The following ALCAM variants were observed in gnomAD, a reference collection of about 807,000 sequenced individuals.
The protein encoded by ALCAM is activated leukocyte cell adhesion molecule.
In ALCAM, 30 loss-of-function variants were observed where a neutral mutation model predicts 70.9. The ratio of observed to expected loss-of-function variants is 0.42; its 90% CI spans 0.32 to 0.57. The LOEUF is 0.57. Among genes scored for constraint, ALCAM ranks in the 20% least tolerant of loss-of-function variants. The pLI is 0.11. For synonymous variants in ALCAM, 249 were observed against 242.5 expected, an observed-to-expected ratio of 1.03 and a Z score of -0.25; for missense variants, 591 against 695.1, an observed-to-expected ratio of 0.85 and a Z score of 1.68.
intron 1 of ALCAM, among the ~76,000 whole-genome samples, chr3:105,390,856 T>A (rs947786225): frequency 3.3e-5 from 5 of 152,200 alleles, no homozygotes; most frequent in Admixed American, 3.3e-4. Context: ...TAAGGAATCC[T>A]TTCCTCATTG....
intron 1 of ALCAM, among the ~76,000 whole-genome samples, chr3:105,399,748 G>C (rs1386331195): frequency 6.6e-6 from 1 of 151,862 alleles, no homozygotes; most frequent in African/African-American, 2.4e-5. Context: ...ATGAAAACCT[G>C]CCCTCCCTGG....
At chr3:105,476,804 G>C (rs1004666206) in intron 1 of ALCAM, among the ~76,000 whole-genome samples, 3 of 151,972 alleles carry the variant, frequency 2.0e-5, no homozygotes, top group African/African-American at 7.2e-5. Flanking sequence ...TGTCTAAAAT[G>C]TTTCAAATGT....
At position 105,548,371 on chromosome 3, in the gene ALCAM, C is replaced by T. The variant is rs1028352508; in HGVS notation, c.1374+848C>T. ...CTCTTCTCAGTATAATCTGTAAAGGCTTCTCAGGAGCACCCAGAGGTACCA... is the reference window on the plus strand; with the variant it reads ...CTCTTCTCAGTATAATCTGTAAAGGTTTCTCAGGAGCACCCAGAGGTACCA... On this transcript the variant is annotated intron_variant, in intron 11 of 15. Coordinates refer to ENST00000306107, the MANE Select transcript of ALCAM (RefSeq NM_001627.4). 1.5e-4 allele frequency among the ~76,000 whole-genome samples: 23 copies of T among 151,410 alleles called. No individual in the cohort carries two copies. In the East Asian group the frequency reaches 3.9e-3, roughly 26 times the overall value.
intron 2 of ALCAM, among the ~76,000 whole-genome samples, chr3:105,521,827 G>A (rs2152623420): frequency 6.6e-6 from 1 of 152,312 alleles, no homozygotes; most frequent in East Asian, 1.9e-4. Flanking sequence ...AGGCAGCACA[G>A]CATTTCTCTG....
intron 14 of ALCAM, among the ~76,000 whole-genome samples, chr3:105,562,111 G>A (rs906252426): frequency 6.6e-6 from 1 of 152,180 alleles, no homozygotes; most frequent in African/African-American, 2.4e-5. Flanking sequence ...AGACTGACTA[G>A]TGTAGAAGGC....
intron 1 of ALCAM, among the ~76,000 whole-genome samples, chr3:105,418,072 C>T (rs1001276393): frequency 6.6e-6 from 1 of 151,758 alleles, no homozygotes; most frequent in African/African-American, 2.4e-5. Context: ...CTGACTCACC[C>T]TGAGTAAAAA....
At chr3:105,428,137 T>C (rs1281459041) in intron 1 of ALCAM, among the ~76,000 whole-genome samples, 1 of 152,020 alleles carries the variant, frequency 6.6e-6, no homozygotes, top group Admixed American at 6.6e-5. Flanking sequence ...ACTACTCTCA[T>C]ATCCTGTGTA....
intron 1 of ALCAM, among the ~76,000 whole-genome samples, chr3:105,454,794 A>G (rs111669332): frequency 0.15 from 22,606 of 149,208 alleles, 1,797 homozygotes; most frequent in Middle Eastern, 0.2. Context: ...TCAGCCTCCC[A>G]AGTAGCTGGG....
chr3:105,513,413 A>C (rs560949284), intron 1 of ALCAM: 1 of 151,072 alleles, frequency 6.6e-6, no homozygotes, highest in African/African-American at 2.4e-5. Flanking sequence ...TTCCATTAAA[A>C]TGTTTTTAAA....
chr3:105,417,345 C>T (rs548566918), intron 1 of ALCAM, among the ~76,000 whole-genome samples: 27 of 151,796 alleles, frequency 1.8e-4, no homozygotes, highest in African/African-American at 6.3e-4. Context: ...TCAGGGTCTG[C>T]TATTTAATTT....
chr3:105,554,750 CCTT>C (rs753753213), intron 14 of ALCAM, among the ~76,000 whole-genome samples: 8 of 144,208 alleles, frequency 5.5e-5, no homozygotes, highest in South Asian at 2.4e-4. Flanking sequence ...TAGAAGTTCT[CCTT>C]CTGTGTGTAC....
chr3:105,446,107 A>G (rs1417823750), intron 1 of ALCAM, among the ~76,000 whole-genome samples: 2 of 152,198 alleles, frequency 1.3e-5, no homozygotes, highest in South Asian at 2.1e-4. Context: ...TACAGAATAT[A>G]TCAGGAACTC....
chr3:105,559,295 ATATAT>A (rs137890099), intron 14 of ALCAM, among the ~76,000 whole-genome samples: 12,069 of 147,650 alleles, frequency 0.082, 552 homozygotes, highest in African/African-American at 0.12. Flanking sequence ...TAATATATAC[ATATAT>A]TATATATATA....
chr3:105,552,873 A>G, intron 14 of ALCAM: 3 of 1,180,456 alleles, frequency 2.5e-6, no homozygotes, highest in Non-Finnish European at 3.2e-6. Context: ...TTTAAAGCGT[A>G]TACTTCCTAA....
chr3:105,531,428 T>G (rs989646573), intron 3 of ALCAM: 2 of 152,240 alleles, frequency 1.3e-5, no homozygotes, highest in African/African-American at 2.4e-5. Flanking sequence ...TTCCTTAACT[T>G]GCTTTCTATT....
chr3:105,474,678 C>T lies in ALCAM; in HGVS notation c.74-45389C>T, dbSNP rs138559042. Among the ~76,000 whole-genome samples the T allele has an allele frequency of 3.2e-3, 485 of 151,114 alleles. 4 individuals are homozygous for T. Among genetic ancestry groups the T allele is most frequent in the African/African-American group, 0.011 (464 of 41,282 alleles). ...ATTCAAGGGCAATCTCTTTTTTTTA[C>T]GTATGAAAGTAAGTGAGATCCATCT... On this transcript the variant is annotated intron_variant, in intron 1 of 15. Coordinates refer to ENST00000306107, the MANE Select transcript of ALCAM (RefSeq NM_001627.4).
intron 1 of ALCAM, among the ~76,000 whole-genome samples, chr3:105,448,505 A>T (rs148287751): frequency 6.6e-6 from 1 of 152,002 alleles, no homozygotes. Context: ...GCCAATTCCA[A>T]CCTAGAGCAA....
intron 1 of ALCAM, among the ~76,000 whole-genome samples, chr3:105,462,284 A>T (rs1399775139): frequency 6.6e-6 from 1 of 151,584 alleles, no homozygotes; most frequent in Non-Finnish European, 1.5e-5. Context: ...CTTGGCTCTT[A>T]TGCCCTTTGA....
intron 1 of ALCAM, among the ~76,000 whole-genome samples, chr3:105,456,998 C>G (rs1937542498): frequency 6.6e-6 from 1 of 152,188 alleles, no homozygotes; most frequent in Admixed American, 6.5e-5. Flanking sequence ...ATCATCATGA[C>G]TATTAATTAC....
Sources: gnomAD v4.1 joint callset for allele counts (sites outside exome capture counted in the v4.1 genomes callset) on GRCh38, gnomAD v4.1.1 for gene constraint, MANE v1.5 for transcripts, NCBI Gene and HGNC (gene_info 2026-07-23, HGNC 2026-07-21) for gene names.